SLC2A13: variants seen among roughly 807,000 people sequenced by gnomAD.
SLC2A13 encodes proton myo-inositol cotransporter.
SLC2A13 carries 32 observed loss-of-function variants against 64.4 expected under a neutral mutation model. The observed-to-expected ratio is 0.50, with a 90% CI of 0.37 to 0.67. The LOEUF (loss-of-function observed/expected upper bound fraction) is 0.67, where lower values mean the gene tolerates loss of function less well. Ranked by LOEUF, SLC2A13 falls within the 30% of genes least tolerant of loss-of-function variation. The pLI, the probability that SLC2A13 is intolerant of heterozygous loss-of-function variation, is 0.00. For synonymous variants in SLC2A13, 338 were observed against 327.1 expected, an observed-to-expected ratio of 1.03 and a Z score of -0.36; for missense variants, 743 against 829.2, an observed-to-expected ratio of 0.90 and a Z score of 1.28.
intron 4 of SLC2A13, among the ~76,000 whole-genome samples, chr12:39,907,242 T>A (rs1332516901): frequency 6.6e-6 from 1 of 152,134 alleles, no homozygotes; most frequent in Non-Finnish European, 1.5e-5. Flanking sequence ...TTTCAAATAT[T>A]TTCACTTCCA....
Position 39,972,858 on chromosome 12 carries a change from G to A in SLC2A13, c.926-21493C>T, listed in dbSNP as rs533983777. 1.2e-4 allele frequency among the ~76,000 whole-genome samples: 18 copies of A among 152,128 alleles called. 1 individual carries two copies. In the South Asian group the frequency reaches 1.5e-3, roughly 12 times the overall value. On this transcript the variant is annotated intron_variant, in intron 3 of 9. Coordinates refer to ENST00000280871, the MANE Select transcript of SLC2A13 (RefSeq NM_052885.4). ...CAAGGCAGGTGGATCACCTGAGGTC[G>A]GGAGTTCGAGACCAGCCTGACCAAC...
intron 7 of SLC2A13, among the ~76,000 whole-genome samples, chr12:39,792,996 T>A (rs1364539051): frequency 6.6e-6 from 1 of 152,158 alleles, no homozygotes; most frequent in Non-Finnish European, 1.5e-5. Context: ...GTGTTTTCTA[T>A]GACTGGTTAA....
intron 3 of SLC2A13, among the ~76,000 whole-genome samples, chr12:40,022,206 G>C (rs778604657): frequency 6.6e-6 from 1 of 152,162 alleles, no homozygotes; most frequent in African/African-American, 2.4e-5. Flanking sequence ...CAAACTCTTT[G>C]TCAAAGGCAA....
At chr12:39,766,458 TG>T (rs1303518850) in intron 7 of SLC2A13, among the ~76,000 whole-genome samples, 1 of 152,070 alleles carries the variant, frequency 6.6e-6, no homozygotes, top group African/African-American at 2.4e-5. Flanking sequence ...ATCATCTTTT[TG>T]GTGGAGGGTC....
chr12:39,862,729 G>A (rs537434656), intron 6 of SLC2A13, among the ~76,000 whole-genome samples: 1 of 152,246 alleles, frequency 6.6e-6, no homozygotes, highest in East Asian at 1.9e-4. Flanking sequence ...TATTGTGTAT[G>A]CATAATAGTG....
At chr12:39,926,469 A>G (rs1396842219) in intron 4 of SLC2A13, among the ~76,000 whole-genome samples, 1 of 152,216 alleles carries the variant, frequency 6.6e-6, no homozygotes, top group African/African-American at 2.4e-5. Flanking sequence ...TATCAATTGT[A>G]AATAAATGAG....
intron 1 of SLC2A13, among the ~76,000 whole-genome samples, chr12:40,051,457 A>T (rs1948252686): frequency 6.6e-6 from 1 of 152,052 alleles, no homozygotes; most frequent in South Asian, 2.1e-4. Context: ...CACTTTGGAG[A>T]TAGTGCTGTA....
At chr12:39,963,218 T>C (rs1325673975) in intron 3 of SLC2A13, among the ~76,000 whole-genome samples, 1 of 136,200 alleles carries the variant, frequency 7.3e-6, no homozygotes, top group East Asian at 2.1e-4. Context: ...ATCCAGGAGG[T>C]GGAGCTTGCA....
At chr12:39,987,904 A>G (rs1357437630) in intron 3 of SLC2A13, among the ~76,000 whole-genome samples, 1 of 152,162 alleles carries the variant, frequency 6.6e-6, no homozygotes, top group Non-Finnish European at 1.5e-5. Context: ...ACTGTTTAAT[A>G]TAGTAAAACA....
At chr12:40,086,750 G>C (rs1247817406) in intron 1 of SLC2A13, among the ~76,000 whole-genome samples, 1 of 152,220 alleles carries the variant, frequency 6.6e-6, no homozygotes, top group Non-Finnish European at 1.5e-5. Context: ...TAAACTGATA[G>C]GTAGTGCGAT....
At chr12:39,872,630 A>G (rs1347166193) in intron 4 of SLC2A13, among the ~76,000 whole-genome samples, 1 of 152,230 alleles carries the variant, frequency 6.6e-6, no homozygotes, top group African/African-American at 2.4e-5. Context: ...CTTTTAAAAG[A>G]CCATAATGCC....
At chr12:40,007,122 G>T (rs748970929) in intron 3 of SLC2A13, among the ~76,000 whole-genome samples, 5 of 152,050 alleles carry the variant, frequency 3.3e-5, no homozygotes, top group Non-Finnish European at 7.4e-5. Context: ...AAACTAATGA[G>T]CCCCTCCCAC....
At chr12:39,964,483 A>T (rs980890191) in intron 3 of SLC2A13, among the ~76,000 whole-genome samples, 1 of 152,248 alleles carries the variant, frequency 6.6e-6, no homozygotes, top group South Asian at 2.1e-4. Context: ...AATAGATAAG[A>T]AGCATAAATG....
At chr12:40,006,021 G>T (rs1947411244) in intron 3 of SLC2A13, among the ~76,000 whole-genome samples, 1 of 152,112 alleles carries the variant, frequency 6.6e-6, no homozygotes, top group Non-Finnish European at 1.5e-5. Flanking sequence ...ATCAAACAGG[G>T]TTAAAATTTG....
chr12:39,783,131 T>C (rs904822985), intron 7 of SLC2A13, among the ~76,000 whole-genome samples: 10 of 152,322 alleles, frequency 6.6e-5, no homozygotes, highest in African/African-American at 2.4e-4. Context: ...TTTGGTTTTA[T>C]GTCCTTGTGA....
chr12:39,871,620 G>T (rs558753294), intron 5 of SLC2A13, among the ~76,000 whole-genome samples, 178 bp downstream of exon 5: 1 of 151,900 alleles, frequency 6.6e-6, no homozygotes, highest in Non-Finnish European at 1.5e-5. Context: ...GTCACGTAGC[G>T]TAACAGTTGT....
rs115349223 is a variant in SLC2A13, at chr12:39,884,644, C to T, written c.1035-12683G>A. Among the ~76,000 whole-genome samples, 891 of 152,216 alleles carry T rather than the reference C, an allele frequency of 5.9e-3. 10 individuals are homozygous for T. Among genetic ancestry groups the T allele is most frequent in the African/African-American group, 0.021 (854 of 41,530 alleles). ...TCAGGGAGGGTGGGAGCCCATAACA[C>T]TGAGGGTGACCGCCATACATATAAC... On this transcript the variant is annotated intron_variant, in intron 4 of 9. Coordinates refer to ENST00000280871, the MANE Select transcript of SLC2A13 (RefSeq NM_052885.4).
At chr12:40,012,190 T>C (rs1433093346) in intron 3 of SLC2A13, among the ~76,000 whole-genome samples, 2 of 152,212 alleles carry the variant, frequency 1.3e-5, no homozygotes, top group Non-Finnish European at 2.9e-5. Context: ...ATCAAATTTA[T>C]CAACAGAAAC....
At chr12:40,006,939 C>T (rs1947432677) in intron 3 of SLC2A13, among the ~76,000 whole-genome samples, 1 of 152,190 alleles carries the variant, frequency 6.6e-6, no homozygotes, top group Non-Finnish European at 1.5e-5. Context: ...ATTTGTAATG[C>T]TAGCAGATGC....
Sources: allele counts gnomAD v4.1 joint callset (sites outside exome capture counted in the v4.1 genomes callset), GRCh38; gene constraint gnomAD v4.1.1; transcripts MANE v1.5; gene names NCBI Gene and HGNC (gene_info 2026-07-23, HGNC 2026-07-21).